The following CDH18 variants were observed in gnomAD, a reference collection of about 807,000 sequenced individuals.
CDH18 encodes the protein cadherin-18.
CDH18 carries 31 observed loss-of-function variants against 67.9 expected under a neutral mutation model. That is an observed-to-expected ratio of 0.46 (90% CI 0.34 to 0.62). CDH18 has a LOEUF of 0.62. CDH18 is among the 20% of genes least tolerant of loss of function. The probability of loss-of-function intolerance (pLI) is 0.01; values close to 1 mark genes in which losing one functional copy is unlikely to be tolerated. For missense variants in CDH18, 890 were observed against 975.5 expected, an observed-to-expected ratio of 0.91 and a Z score of 1.17; for synonymous variants, 362 against 347.2, an observed-to-expected ratio of 1.04 and a Z score of -0.48.
At chr5:20,128,460 T>G (rs1056572869) in intron 2 of CDH18, among the ~76,000 whole-genome samples, 2 of 152,102 alleles carry the variant, frequency 1.3e-5, no homozygotes, top group Non-Finnish European at 2.9e-5. Context: ...AGGGCTACCA[T>G]GGAGCTTATC....
intron 2 of CDH18, among the ~76,000 whole-genome samples, chr5:19,923,279 A>G (rs558765945): frequency 6.6e-6 from 1 of 152,292 alleles, no homozygotes; most frequent in East Asian, 1.9e-4. Flanking sequence ...GACAACCCTG[A>G]GACTTTTACA....
chr5:19,923,590 T>G (rs1442981815), intron 2 of CDH18, among the ~76,000 whole-genome samples: 1 of 152,140 alleles, frequency 6.6e-6, no homozygotes, highest in Non-Finnish European at 1.5e-5. Flanking sequence ...GGCATCTAAT[T>G]AAAATATAAG....
chr5:20,114,693 A>T (rs1747745781), intron 2 of CDH18, among the ~76,000 whole-genome samples: 1 of 152,110 alleles, frequency 6.6e-6, no homozygotes, highest in African/African-American at 2.4e-5. Context: ...CACATCCCAG[A>T]TGGTAGGCTG....
chr5:20,201,958 A>AT (rs1467121936), intron 2 of CDH18, among the ~76,000 whole-genome samples: 1 of 152,222 alleles, frequency 6.6e-6, no homozygotes, highest in Non-Finnish European at 1.5e-5. Flanking sequence ...TTTGAAATTG[A>AT]TTCCAGAAAC....
chr5:19,672,709 A>G (rs1758924187), intron 5 of CDH18, among the ~76,000 whole-genome samples: 2 of 152,084 alleles, frequency 1.3e-5, no homozygotes. Context: ...GAACAATATA[A>G]TAACAACAGT....
At chr5:19,767,032 T>C (rs148562312) in intron 3 of CDH18, among the ~76,000 whole-genome samples, 5 of 151,810 alleles carry the variant, frequency 3.3e-5, no homozygotes, top group Admixed American at 6.6e-5. Context: ...AAATAAAATA[T>C]GATAATTGAA....
At chr5:20,500,468 C>G (rs964008508) in intron 1 of CDH18, among the ~76,000 whole-genome samples, 2 of 152,032 alleles carry the variant, frequency 1.3e-5, no homozygotes, top group African/African-American at 4.8e-5. Context: ...GCCAGGGGCA[C>G]CTGGGGAATT....
intron 8 of CDH18, among the ~76,000 whole-genome samples, 176 bp downstream of exon 8, chr5:19,571,403 T>C (rs1220887912): frequency 6.6e-6 from 1 of 152,172 alleles, no homozygotes; most frequent in Non-Finnish European, 1.5e-5. Context: ...GTTCTTAATG[T>C]GACAAAAATC....
At chr5:20,414,945 A>G (rs1049004047) in intron 1 of CDH18, among the ~76,000 whole-genome samples, 2 of 152,218 alleles carry the variant, frequency 1.3e-5, no homozygotes, top group Non-Finnish European at 2.9e-5. Flanking sequence ...TCAAAAAATT[A>G]AAAATGTAAT....
At chr5:20,468,220 TGGTCA>T (rs1751797185) in intron 1 of CDH18, among the ~76,000 whole-genome samples, 1 of 152,130 alleles carries the variant, frequency 6.6e-6, no homozygotes, top group Non-Finnish European at 1.5e-5. Flanking sequence ...TTCATCGTGT[TGGTCA>T]GGCTGGTCTT....
chr5:20,554,314 A>T lies in CDH18; in HGVS notation c.-580+21148T>A, dbSNP rs528422689. Among the ~76,000 whole-genome samples the T allele has an allele frequency of 6.6e-5, 10 of 152,346 alleles. No individual in the cohort carries two copies. The South Asian group carries it at 1.9e-3, about 28-fold the overall frequency. On this transcript the variant is annotated intron_variant, in intron 1 of 14. Coordinates refer to the CDH18 transcript ENST00000507958. Reference sequence around the variant, plus strand: ...CATAATTTCCCTTCAGCATACAAACATGTTCAAGTCTTTCACATACTAAAG... The same window carrying T: ...CATAATTTCCCTTCAGCATACAAACTTGTTCAAGTCTTTCACATACTAAAG...
At chr5:20,188,177 C>T (rs146582844) in intron 2 of CDH18, among the ~76,000 whole-genome samples, 297 of 151,828 alleles carry the variant, frequency 2.0e-3, no homozygotes, top group African/African-American at 6.7e-3. Flanking sequence ...TTTTTTAAAG[C>T]CCCATTTAAT....
At chr5:20,001,991 A>G (rs2150401778) in intron 2 of CDH18, among the ~76,000 whole-genome samples, 1 of 152,248 alleles carries the variant, frequency 6.6e-6, no homozygotes, top group East Asian at 1.9e-4. Flanking sequence ...CAGGCTGCCA[A>G]TATTCATATA....
At chr5:19,715,832 T>C (rs1441217718) in intron 5 of CDH18, among the ~76,000 whole-genome samples, 1 of 121,990 alleles carries the variant, frequency 8.2e-6, no homozygotes, top group South Asian at 2.8e-4. Flanking sequence ...TTTTTTTTTT[T>C]GAGATGGAGT....
chr5:20,068,964 C>T (rs963241099), intron 2 of CDH18, among the ~76,000 whole-genome samples: 3 of 152,206 alleles, frequency 2.0e-5, no homozygotes, highest in African/African-American at 4.8e-5. Context: ...AGTCTCAGGA[C>T]GTCACGCTGA....
intron 2 of CDH18, among the ~76,000 whole-genome samples, chr5:20,155,790 A>G (rs1485132502): frequency 6.6e-6 from 1 of 152,074 alleles, no homozygotes; most frequent in Non-Finnish European, 1.5e-5. Flanking sequence ...TCTTCTGTGT[A>G]TGGTGATCCA....
chr5:20,063,144 T>C (rs1316313873), intron 2 of CDH18, among the ~76,000 whole-genome samples: 1 of 151,586 alleles, frequency 6.6e-6, no homozygotes, highest in African/African-American at 2.4e-5. Flanking sequence ...TATTAGTTTC[T>C]TGTGATTTTT....
chr5:19,622,336 A>G (rs1008036720), intron 5 of CDH18, among the ~76,000 whole-genome samples: 3 of 152,218 alleles, frequency 2.0e-5, no homozygotes, highest in Non-Finnish European at 2.9e-5. Flanking sequence ...AATAAGGTCC[A>G]TCTTGTTTCA....
At chr5:20,198,259 C>G (rs1331327326) in intron 2 of CDH18, among the ~76,000 whole-genome samples, 1 of 152,058 alleles carries the variant, frequency 6.6e-6, no homozygotes, top group Non-Finnish European at 1.5e-5. Flanking sequence ...CAAGAAAAGA[C>G]AGAAAGATGT....
Sources: allele counts gnomAD v4.1 joint callset (sites outside exome capture counted in the v4.1 genomes callset), GRCh38; gene constraint gnomAD v4.1.1; transcripts MANE v1.5; gene names NCBI Gene and HGNC (gene_info 2026-07-23, HGNC 2026-07-21).